Variants in XKR4 observed in about 807,000 individuals in gnomAD.
The protein encoded by XKR4 is XK related 4.
In XKR4, 12 loss-of-function variants were observed where a neutral mutation model predicts 53.9. The observed-to-expected ratio is 0.22, with a 90% CI of 0.14 to 0.36. The LOEUF is 0.36. XKR4 is among the 10% of genes least tolerant of loss of function. The probability of loss-of-function intolerance (pLI) is 1.00; values close to 1 mark genes in which losing one functional copy is unlikely to be tolerated. For synonymous variants in XKR4, 354 were observed against 362.4 expected (o/e 0.98, Z 0.26); for missense variants, 799 against 859.5 (o/e 0.93, Z 0.88).
intron 1 of XKR4, among the ~76,000 whole-genome samples, chr8:55,349,189 A>G (rs975528361): frequency 1.3e-5 from 2 of 152,242 alleles, no homozygotes; most frequent in African/African-American, 2.4e-5. Flanking sequence ...CCTAAAGTTT[A>G]GAAATTAGAA....
intron 1 of XKR4, among the ~76,000 whole-genome samples, chr8:55,303,830 G>C (rs1001408150): frequency 6.6e-6 from 1 of 152,142 alleles, no homozygotes; most frequent in Admixed American, 6.5e-5. Context: ...ATTTCTGTGG[G>C]ATCGGTGGTG....
At chr8:55,438,598 A>AAG (rs1482094023) in intron 2 of XKR4, among the ~76,000 whole-genome samples, 30 of 151,300 alleles carry the variant, frequency 2.0e-4, no homozygotes, top group Non-Finnish European at 4.1e-4. Flanking sequence ...TTGAAAAAAA[A>AAG]AAAAAAAAAG....
In XKR4 at chr8:55,303,230, A is replaced by C. The variant is rs542672094; in HGVS notation, c.807-54448A>C. On this transcript the variant is annotated intron_variant, in intron 1 of 2. Transcript: ENST00000327381. ...AAGCGTTGTTGAATTTTGTCAAAGG[A>C]CTTTTCTGCATCTATTGATATAATC... is the stretch of plus-strand genomic sequence containing the variant. Among the ~76,000 whole-genome samples the C allele has an allele frequency of 5.9e-5, 9 of 152,132 alleles. No individual in the cohort carries two copies. The East Asian group carries it at 9.7e-4, about 16-fold the overall frequency.
chr8:55,457,250 C>A lies in XKR4; in HGVS notation c.1007-66031C>A, dbSNP rs186183752. ...TTCTGCCTCGCAGGTTCACGCCATT[C>A]TCCTGCCTCAGCCTCCTGAATAGCT... On this transcript the variant is annotated intron_variant, in intron 2 of 2. Transcript: ENST00000327381. Among the ~76,000 whole-genome samples, 4 of 150,602 alleles carry A rather than the reference C, an allele frequency of 2.7e-5. No individual in the cohort carries two copies. The East Asian group carries it at 7.9e-4, about 30-fold the overall frequency.
intron 2 of XKR4, among the ~76,000 whole-genome samples, chr8:55,456,144 A>G (rs1415487467): frequency 6.6e-6 from 1 of 152,222 alleles, no homozygotes; most frequent in African/African-American, 2.4e-5. Context: ...ATTGACTCAG[A>G]GTAGCAGCTG....
At chr8:55,348,262 C>G (rs1239092261) in intron 1 of XKR4, among the ~76,000 whole-genome samples, 3 of 152,078 alleles carry the variant, frequency 2.0e-5, no homozygotes, top group Non-Finnish European at 1.5e-5. Flanking sequence ...TAGAGGAATC[C>G]AGAACATCAA....
chr8:55,311,990 C>G (rs893778149), intron 1 of XKR4, among the ~76,000 whole-genome samples: 2 of 152,094 alleles, frequency 1.3e-5, no homozygotes, highest in African/African-American at 4.8e-5. Flanking sequence ...TCAGTAGATT[C>G]TGGTTAAATT....
chr8:55,523,995 A>T lies in XKR4; in HGVS notation c.1721A>T (p.Gln574Leu). The T allele has an allele frequency of 6.2e-7, 1 of 1,614,092 alleles. No individual in the cohort carries two copies. Among genetic ancestry groups the T allele is most frequent in the Non-Finnish European group, 8.5e-7 (1 of 1,180,026 alleles). Residue 574 changes from glutamine (Q) to leucine (L), a missense_variant, in exon 3 of 3, where the codon CAA becomes CTA. By Grantham distance (113) the Gln-to-Leu change is moderately radical. This residue lies in a region of XKR4 where 269 missense variants were observed against 264.4 expected (regional missense o/e 1.02). Coordinates refer to ENST00000327381, the MANE Select transcript of XKR4 (RefSeq NM_052898.2). ...CGGGATGGGTGTGTACCTGTCTTTC[A>T]AGTGAGGCCCACTGCCCCATCCACC... is the stretch of plus-strand genomic sequence containing the variant. Reference protein sequence around the residue: ...AERDGCVPVFQVRPTAPSTPS... With the variant: ...AERDGCVPVFLVRPTAPSTPS...
chr8:55,141,677 G>GTT (rs1816705936), intron 1 of XKR4, among the ~76,000 whole-genome samples: 1 of 63,850 alleles, frequency 1.6e-5, no homozygotes, highest in South Asian at 5.6e-4. Context: ...CTCTCTGTGT[G>GTT]TGTGTGTGTG....
At chr8:55,188,209 A>G (rs1817403767) in intron 1 of XKR4, among the ~76,000 whole-genome samples, 1 of 152,202 alleles carries the variant, frequency 6.6e-6, no homozygotes, top group South Asian at 2.1e-4. Context: ...CTTGCAACTA[A>G]TCTTTTAAAG....
chr8:55,358,321 G>A (rs1803851650), intron 2 of XKR4, among the ~76,000 whole-genome samples: 1 of 151,888 alleles, frequency 6.6e-6, no homozygotes, highest in South Asian at 2.1e-4. Flanking sequence ...GATGTTGAGA[G>A]AGAGAGAGAG....
intron 1 of XKR4, among the ~76,000 whole-genome samples, chr8:55,120,801 T>A (rs1039643077): frequency 1.5e-4 from 23 of 152,206 alleles, no homozygotes; most frequent in African/African-American, 5.3e-4. Flanking sequence ...TGATGACATG[T>A]ATTTATCATG....
intron 1 of XKR4, among the ~76,000 whole-genome samples, chr8:55,347,058 C>T (rs763122711): frequency 7.9e-5 from 12 of 152,274 alleles, no homozygotes; most frequent in South Asian, 4.1e-4. Context: ...ACATGACTCA[C>T]ATACATCCCA....
intron 2 of XKR4, among the ~76,000 whole-genome samples, chr8:55,386,868 AGTCCCTC>A (rs1804325886): frequency 5.9e-5 from 9 of 152,236 alleles, no homozygotes; most frequent in Admixed American, 6.5e-5. Context: ...TATGTATCTT[AGTCCCTC>A]ACTTCTAAAA....
In XKR4 at chr8:55,451,987, G is replaced by GCTGC. The variant is rs994568825; in HGVS notation, c.1007-71292_1007-71289dup. On this transcript the variant is annotated intron_variant, in intron 2 of 2. Coordinates refer to ENST00000327381, the MANE Select transcript of XKR4 (RefSeq NM_052898.2). ...GGGTTGTACTTCTTGCGAGTGACATGCTGCCGCCCGATGGTCTTCTTGACG... is the reference window on the plus strand; with the variant it reads ...GGGTTGTACTTCTTGCGAGTGACATGCTGCCTGCCGCCCGATGGTCTTCTTGACG... 3.9e-6 allele frequency: 3 copies of GCTGC among 773,664 alleles called. No homozygotes were observed. The African/African-American group carries it at 5.1e-5, about 13-fold the overall frequency. 47.9% of individuals were successfully genotyped at this position (773,664 alleles called of 1,614,324 possible).
At chr8:55,400,514 T>A (rs1804583362) in intron 2 of XKR4, among the ~76,000 whole-genome samples, 1 of 152,156 alleles carries the variant, frequency 6.6e-6, no homozygotes, top group South Asian at 2.1e-4. Flanking sequence ...TCTTTGAGGC[T>A]GACACACAGT....
chr8:55,288,777 C>A (rs1818943017), intron 1 of XKR4, among the ~76,000 whole-genome samples: 1 of 152,180 alleles, frequency 6.6e-6, no homozygotes, highest in African/African-American at 2.4e-5. Context: ...AATAATCCAA[C>A]ACAAGGGTCC....
At chr8:55,447,504 C>T (rs931396976) in intron 2 of XKR4, among the ~76,000 whole-genome samples, 2 of 152,160 alleles carry the variant, frequency 1.3e-5, no homozygotes, top group Non-Finnish European at 2.9e-5. Context: ...GTAAAGTTTC[C>T]ATTCAACAAG....
At chr8:55,388,701 G>A (rs1249258117) in intron 2 of XKR4, among the ~76,000 whole-genome samples, 3 of 152,316 alleles carry the variant, frequency 2.0e-5, no homozygotes, top group East Asian at 1.9e-4. Context: ...GGACTTCCAC[G>A]TATGAGTTTG....
Sources: allele counts gnomAD v4.1 joint callset (sites outside exome capture counted in the v4.1 genomes callset), GRCh38; gene constraint gnomAD v4.1.1; regional missense constraint gnomAD v4.1.1; transcripts MANE v1.5; gene names NCBI Gene and HGNC (gene_info 2026-07-23, HGNC 2026-07-21).